The following GALNT8 variants were observed in gnomAD, a reference collection of about 807,000 sequenced individuals.
The protein encoded by GALNT8 is probable polypeptide N-acetylgalactosaminyltransferase 8.
Under a neutral mutation model 62.7 loss-of-function variants are expected in GALNT8, and 66 were observed. That is an observed-to-expected ratio of 1.05 (90% CI 0.86 to 1.29). The LOEUF (loss-of-function observed/expected upper bound fraction) is 1.29, where lower values mean the gene tolerates loss of function less well. Ranked by LOEUF, GALNT8 falls within the 50% of genes most tolerant of loss-of-function variation. The pLI, the probability that GALNT8 is intolerant of heterozygous loss-of-function variation, is 0.00. For missense variants in GALNT8, 771 were observed against 791.8 expected (o/e 0.97, Z 0.32); for synonymous variants, 288 against 294.3 (o/e 0.98, Z 0.22).
chr12:4,729,860 T>C (rs913654204), intron 2 of GALNT8, among the ~76,000 whole-genome samples: 7 of 152,224 alleles, frequency 4.6e-5, no homozygotes, highest in Non-Finnish European at 8.8e-5. Context: ...GCAATGGTTC[T>C]ATTTTTTCCA....
Position 4,739,370 on chromosome 12 carries a change from T to G in GALNT8, c.676+41T>G, listed in dbSNP as rs201909354. Reference sequence around the variant, plus strand: ...AAAGAATAATTGTAAAAATGACCACTTATCATCTGTGCTTGGCTGGAAAGA... The same window carrying G: ...AAAGAATAATTGTAAAAATGACCACGTATCATCTGTGCTTGGCTGGAAAGA... On this transcript the variant is annotated intron_variant, in intron 3 of 10. Coordinates refer to ENST00000252318, the MANE Select transcript of GALNT8 (RefSeq NM_017417.2). The G allele has an allele frequency of 7.2e-6, 11 of 1,534,782 alleles. No individual in the cohort carries two copies. In the Admixed American group the frequency reaches 1.7e-4, roughly 24 times the overall value.
Position 4,746,190 on chromosome 12 carries a change from G to C in GALNT8, c.1105G>C (p.Gly369Arg). Residue 369 changes from glycine to arginine, a missense_variant, in exon 6 of 11, where the codon GGA (glycine) becomes CGA (arginine). By Grantham distance (125) the Gly-to-Arg change is moderately radical. Coordinates refer to ENST00000252318, the MANE Select transcript of GALNT8 (RefSeq NM_017417.2). ...CCTGGCTGCTAACAGGCACTTCCTG[G>C]GAGAGATCGGGTCTCTGGATGGTGG... ...GILAANRHFL[G>R]EIGSLDGGML... 1 of 1,613,514 alleles carries C rather than the reference G, an allele frequency of 6.2e-7. No homozygotes were observed. Among genetic ancestry groups the C allele is most frequent in the Non-Finnish European group, 8.5e-7 (1 of 1,179,452 alleles).
intron 10 of GALNT8, among the ~76,000 whole-genome samples, chr12:4,767,820 A>T (rs1946406432): frequency 6.6e-6 from 1 of 152,254 alleles, no homozygotes; most frequent in Admixed American, 6.5e-5. Context: ...TTCAAGTTAT[A>T]AATTAAAACA....
intron 4 of GALNT8, 48 bp from the exon 5 acceptor site, chr12:4,745,381 T>A (rs772957086): frequency 8.3e-7 from 1 of 1,204,962 alleles, no homozygotes; most frequent in African/African-American, 1.5e-5. Flanking sequence ...TCTCCCCTAC[T>A]GCTTGTCCTC....
At chr12:4,735,606 T>C (rs1301344224) in intron 2 of GALNT8, among the ~76,000 whole-genome samples, 2 of 152,192 alleles carry the variant, frequency 1.3e-5, no homozygotes, top group African/African-American at 4.8e-5. Context: ...CCTCTACTCA[T>C]AGGGTGAAAT....
chr12:4,763,815 G>T (rs1486202532), intron 8 of GALNT8, 137 bp from the exon 9 acceptor site: 4 of 647,228 alleles, frequency 6.2e-6, no homozygotes, highest in Non-Finnish European at 1.1e-5. Context: ...TGCCTGCCGG[G>T]ATCCCAGCCC....
chr12:4,771,355 A>G (rs1946423479), intron 10 of GALNT8, among the ~76,000 whole-genome samples: 2 of 152,182 alleles, frequency 1.3e-5, no homozygotes, highest in African/African-American at 2.4e-5. Flanking sequence ...TGAATGGCCA[A>G]TGCTGGATGG....
In GALNT8 at chr12:4,720,465, C is replaced by A; in HGVS notation, c.-213C>A. ...CTGTGGAAAGCCGCTGAGCGGTTAT[C>A]CTCTCGGGGCATAAAGACAAAGAAG... On this transcript the variant is annotated 5_prime_UTR_variant, in exon 1 of 11. Coordinates refer to ENST00000252318, the MANE Select transcript of GALNT8 (RefSeq NM_017417.2). 1 of 564,196 alleles carries A rather than the reference C, an allele frequency of 1.8e-6. No individual in the cohort carries two copies. The highest frequency in any genetic ancestry group is 3.1e-6 in the Non-Finnish European group (1 of 318,076). The allele number at this position is 564,196 out of a possible 1,614,324, so 34.9% of individuals were successfully genotyped here.
At chr12:4,755,493 G>A (rs1196078634) in intron 6 of GALNT8, among the ~76,000 whole-genome samples, 1 of 152,176 alleles carries the variant, frequency 6.6e-6, no homozygotes, top group African/African-American at 2.4e-5. Flanking sequence ...TCAGTGATTC[G>A]CTACTGTCCT....
rs773817988 is a variant in GALNT8 at position 4,726,800 on chromosome 12, T to C, written c.480T>C (p.Asn160=). The C allele has an allele frequency of 1.3e-5, 21 of 1,613,748 alleles. No homozygotes were observed. The highest frequency in any genetic ancestry group is 6.8e-6 in the Non-Finnish European group (8 of 1,179,914). ...NAYLSNQLPL[N]RTIPDTRDYR... ...ACCTCAGCAACCAGCTGCCTCTCAA[T>C]CGCACCATCCCCGACACGCGAGACT... Residue 160 remains asparagine (N), a synonymous_variant, in exon 2 of 11, where the codon AAT becomes AAC. Transcript: ENST00000252318. The surrounding 1 kb of genome is among the most constrained non-coding windows in gnomAD (Gnocchi z 4.1).
In GALNT8 at chr12:4,749,457, T is replaced by G. The variant is rs1946313626; in HGVS notation, c.1173+3199T>G. On this transcript the variant is annotated intron_variant, in intron 6 of 10. Coordinates refer to ENST00000252318, the MANE Select transcript of GALNT8 (RefSeq NM_017417.2). The surrounding 1 kb of genome is among the most constrained non-coding windows in gnomAD (Gnocchi z 4.1). The stretch of plus-strand genomic sequence containing the variant: ...ATCCTGTTAATATGATGTTTCACAT[T>G]GATTGATCTGCATATGTTGAACAAT... 6.6e-6 allele frequency among the ~76,000 whole-genome samples: 1 copy of G among 152,224 alleles called. No individual in the cohort carries two copies. The highest frequency in any genetic ancestry group is 2.1e-4 in the South Asian group (1 of 4,828).
At chr12:4,737,505 C>A (rs1946250895) in intron 2 of GALNT8, among the ~76,000 whole-genome samples, 1 of 152,146 alleles carries the variant, frequency 6.6e-6, no homozygotes, top group African/African-American at 2.4e-5. Flanking sequence ...GAAAAGGAAT[C>A]ATTTTGAAAT....
At position 4,726,700 on chromosome 12, in the gene GALNT8, A is replaced by G. The variant is rs138633886; in HGVS notation, c.380A>G (p.Gln127Arg). The G allele has an allele frequency of 1.3e-5, 21 of 1,614,120 alleles. No homozygotes were observed. Among genetic ancestry groups the G allele is most frequent in the African/African-American group, 4.0e-5 (3 of 75,034 alleles). The change falls in exon 2 of 11, where the codon CAA (glutamine) becomes CGA (arginine). Residue 127 changes from glutamine (Q) to arginine (R), a missense_variant. Coordinates refer to ENST00000252318, the MANE Select transcript of GALNT8 (RefSeq NM_017417.2). The surrounding 1 kb of genome is among the most constrained non-coding windows in gnomAD (Gnocchi z 4.1). Reference protein sequence around the residue: ...KLFPHSQLFRQWGEDLSEAQQ... With the variant: ...KLFPHSQLFRRWGEDLSEAQQ... ...TTCCCACACTCACAGCTTTTCAGGC[A>G]ATGGGGCGAGGATCTTTCTGAGGCC... is the stretch of plus-strand genomic sequence containing the variant.
rs1399043941 is a variant in GALNT8 at position 4,720,843 on chromosome 12, G to A, written c.166G>A (p.Val56Met). The A allele has an allele frequency of 1.2e-6, 2 of 1,610,224 alleles. No homozygotes were observed. The highest frequency in any genetic ancestry group is 8.5e-7 in the Non-Finnish European group (1 of 1,176,448). ...PLHLNKRYGA[V>M]IKRLSHLEVE... is the part of the protein sequence containing the mutation. ...ACATCTGAATAAACGCTACGGGGCA[G>A]TGATAAAGAGACTCTCCCACTTGGA... The change falls in exon 1 of 11, where the codon GTG becomes ATG. Residue 56 changes from valine to methionine, a missense_variant. By Grantham distance (21) the Val-to-Met change is conservative. Coordinates refer to ENST00000252318, the MANE Select transcript of GALNT8 (RefSeq NM_017417.2).
chr12:4,769,851 G>A (rs538487254), intron 10 of GALNT8, among the ~76,000 whole-genome samples: 1 of 152,154 alleles, frequency 6.6e-6, no homozygotes, highest in Non-Finnish European at 1.5e-5. Flanking sequence ...AGCAGCCCAT[G>A]TGCCCTGAGC....
rs1946392616 is a variant in GALNT8 at position 4,765,009 on chromosome 12, T to C, written c.1594-370T>C. On this transcript the variant is annotated intron_variant, in intron 9 of 10. Coordinates refer to ENST00000252318, the MANE Select transcript of GALNT8 (RefSeq NM_017417.2). Reference sequence around the variant, plus strand: ...TAATAACCTACTTGTCCAAGCTCACTGAGCAAGATAGTGTCAGACCAGGAA... The same window carrying C: ...TAATAACCTACTTGTCCAAGCTCACCGAGCAAGATAGTGTCAGACCAGGAA... Among the ~76,000 whole-genome samples the C allele has an allele frequency of 2.0e-5, 3 of 152,178 alleles. No homozygotes were observed. In the South Asian group the frequency reaches 6.2e-4, roughly 31 times the overall value.
chr12:4,741,050 T>C (rs961734957), intron 3 of GALNT8, among the ~76,000 whole-genome samples: 3 of 152,198 alleles, frequency 2.0e-5, no homozygotes, highest in African/African-American at 7.2e-5. Flanking sequence ...AGAGGTTTGG[T>C]CTAGCAGTAA....
chr12:4,763,173 C>T, intron 7 of GALNT8, 80 bp from the exon 8 acceptor site: 1 of 1,135,428 alleles, frequency 8.8e-7, no homozygotes, highest in East Asian at 2.4e-5. Flanking sequence ...AATATGGAGT[C>T]CTTCTCAGGC....
chr12:4,758,610 G>C (rs1946355761), intron 6 of GALNT8, among the ~76,000 whole-genome samples: 2 of 69,606 alleles, frequency 2.9e-5, no homozygotes, highest in African/African-American at 7.1e-5. Flanking sequence ...ATGTCTCTGT[G>C]TGTGTGTGTG....
Sources: allele counts gnomAD v4.1 joint callset (sites outside exome capture counted in the v4.1 genomes callset), GRCh38; gene constraint gnomAD v4.1.1; non-coding constraint Gnocchi (gnomAD v3.1); transcripts MANE v1.5; gene names NCBI Gene and HGNC (gene_info 2026-07-23, HGNC 2026-07-21).